Variants in USP24 observed in about 807,000 individuals in gnomAD.
USP24 encodes the protein ubiquitin carboxyl-terminal hydrolase 24.
A neutral mutation model predicts 361.6 loss-of-function variants in USP24; 97 were observed. That is an observed-to-expected ratio of 0.27 (90% CI 0.23 to 0.32). The LOEUF (loss-of-function observed/expected upper bound fraction) is 0.32. USP24 is among the 10% of genes least tolerant of loss of function. The pLI is 1.00. For missense variants in USP24, 2,353 were observed against 3,165.6 expected (o/e 0.74, Z 6.16); for synonymous variants, 1,098 against 1,124.6 (o/e 0.98, Z 0.47).
intron 34 of USP24, 106 bp from the exon 35 acceptor site, chr1:55,124,734 A>C: frequency 8.0e-7 from 1 of 1,246,606 alleles, no homozygotes; most frequent in Non-Finnish European, 1.1e-6. Flanking sequence ...CTTTCCCTCC[A>C]AGGTCATCCA....
Position 55,137,873 on chromosome 1 carries a change from CG to C in USP24, c.2959del (p.Arg987GlyfsTer4). 1 of 1,594,602 alleles carries C rather than the reference CG, an allele frequency of 6.3e-7. No homozygotes were observed. The highest frequency in any genetic ancestry group is 1.1e-5 in the South Asian group (1 of 88,328). ...GCACAACTGCTTGGCTATTTTCCAC[CG>C]GACACTCCCTATGGTTTCATTACTG... ...AHSNETIGSV[R>X]WKIAKQLCSP... is the part of the protein sequence containing the mutation. On this transcript the variant is annotated frameshift_variant, in exon 27 of 68. Transcript: ENST00000294383. LOFTEE classifies it high-confidence loss of function.
rs1647022309 is a variant in USP24, at chr1:55,146,121, G to A, written c.2251-12C>T. On this transcript the variant is annotated splice_polypyrimidine_tract_variant and intron_variant, in intron 19 of 67. Transcript: ENST00000294383. ...CATTCAAAACACATCTGTGGAATAAGACGAATATCACCCTATAACTAAGAT... is the reference window on the plus strand; with the variant it reads ...CATTCAAAACACATCTGTGGAATAAAACGAATATCACCCTATAACTAAGAT... The A allele has an allele frequency of 1.3e-6, 2 of 1,586,408 alleles. No homozygotes were observed. Among genetic ancestry groups the A allele is most frequent in the African/African-American group, 1.3e-5 (1 of 74,302 alleles).
intron 1 of USP24, among the ~76,000 whole-genome samples, chr1:55,214,585 T>C (rs1332841529): frequency 6.6e-6 from 1 of 152,002 alleles, no homozygotes; most frequent in Non-Finnish European, 1.5e-5. Context: ...GCCTCTCCTA[T>C]GGGTCCCTCT....
chr1:55,166,345 TA>T (rs1307784888), intron 6 of USP24, among the ~76,000 whole-genome samples: 6 of 152,088 alleles, frequency 3.9e-5, no homozygotes, highest in African/African-American at 1.4e-4. Context: ...TTGATCCTTC[TA>T]ATGCTCCTGT....
At chr1:55,181,845 G>C (rs1195014877) in intron 1 of USP24, among the ~76,000 whole-genome samples, 1 of 152,168 alleles carries the variant, frequency 6.6e-6, no homozygotes, top group Non-Finnish European at 1.5e-5. Context: ...TATATTTGGA[G>C]ATAGTGCCTT....
intron 36 of USP24, 37 bp downstream of exon 36, chr1:55,123,410 C>A: frequency 6.7e-7 from 1 of 1,495,580 alleles, no homozygotes; most frequent in Non-Finnish European, 8.9e-7. Flanking sequence ...TGGCCTTTCC[C>A]TGAAAGAGAT....
At chr1:55,098,212 C>T (rs1645541310) in intron 46 of USP24, 128 bp from the exon 47 acceptor site, 1 of 1,203,382 alleles carries the variant, frequency 8.3e-7, no homozygotes, top group Non-Finnish European at 1.1e-6. Flanking sequence ...TTTAAAAGTC[C>T]ATTACTAAGT....
At chr1:55,164,545 C>T (rs964051123) in intron 7 of USP24, among the ~76,000 whole-genome samples, 5 of 152,044 alleles carry the variant, frequency 3.3e-5, no homozygotes, top group African/African-American at 9.7e-5. Context: ...CTGTCTCCTA[C>T]AAAAGTCCAC....
intron 63 of USP24, 33 bp from the exon 64 acceptor site, chr1:55,073,939 A>G: frequency 6.5e-7 from 1 of 1,534,208 alleles, no homozygotes; most frequent in South Asian, 1.2e-5. Context: ...TTTAACAATA[A>G]AAGACTCAAC....
intron 38 of USP24, among the ~76,000 whole-genome samples, chr1:55,120,343 G>A (rs1056770280): frequency 6.6e-6 from 1 of 152,096 alleles, no homozygotes; most frequent in Admixed American, 6.6e-5. Flanking sequence ...CACCAATCAG[G>A]TGAGCTCCTT....
chr1:55,138,923 T>C lies in USP24; in HGVS notation c.2817+21A>G, dbSNP rs182209496. On this transcript the variant is annotated intron_variant, in intron 25 of 67. Coordinates refer to ENST00000294383, the MANE Select transcript of USP24 (RefSeq NM_015306.3). ...AGTCCAGCCTAAGCAACATACATCT[T>C]AAAAAAAGGAAGTGGCTTACCTCTA... is the stretch of plus-strand genomic sequence containing the variant. The C allele has an allele frequency of 7.0e-4, 1,124 of 1,607,870 alleles. 6 individuals are homozygous for C. The highest frequency in any genetic ancestry group is 8.4e-4 in the Non-Finnish European group (990 of 1,177,362).
chr1:55,163,738 T>C (rs1013273477), intron 7 of USP24, among the ~76,000 whole-genome samples: 1 of 152,064 alleles, frequency 6.6e-6, no homozygotes, highest in Non-Finnish European at 1.5e-5. Flanking sequence ...CAAGCTTGAA[T>C]TGCATGGGTT....
intron 48 of USP24, 129 bp downstream of exon 48, chr1:55,097,469 G>T (rs1026969947): frequency 1.5e-6 from 2 of 1,347,810 alleles, no homozygotes; most frequent in African/African-American, 3.0e-5. Flanking sequence ...CTAAGATAAG[G>T]GGCTCTTCAT....
intron 38 of USP24, among the ~76,000 whole-genome samples, 160 bp from the exon 39 acceptor site, chr1:55,110,406 T>G (rs961184046): frequency 6.6e-6 from 1 of 152,214 alleles, no homozygotes; most frequent in African/African-American, 2.4e-5. Flanking sequence ...GCAAGAAGCA[T>G]ACTGATTTTA....
intron 1 of USP24, among the ~76,000 whole-genome samples, chr1:55,199,447 C>G (rs905391347): frequency 6.6e-6 from 1 of 151,974 alleles, no homozygotes; most frequent in Non-Finnish European, 1.5e-5. Flanking sequence ...ACAATATTAA[C>G]GTATTAATGT....
chr1:55,208,734 G>C (rs932115516), intron 1 of USP24, among the ~76,000 whole-genome samples: 3 of 147,478 alleles, frequency 2.0e-5, no homozygotes, highest in African/African-American at 2.5e-5. Context: ...TCAGGAGTTC[G>C]AGACCAGCCT....
At chr1:55,075,921 A>G (rs533167380) in intron 62 of USP24, among the ~76,000 whole-genome samples, 2 of 152,320 alleles carry the variant, frequency 1.3e-5, no homozygotes, top group South Asian at 4.1e-4. Context: ...GTGAGCTACG[A>G]CTGTGGCTCC....
chr1:55,171,718 C>A, intron 4 of USP24, 40 bp from the exon 5 acceptor site: 1 of 1,569,582 alleles, frequency 6.4e-7, no homozygotes, highest in Non-Finnish European at 8.7e-7. Flanking sequence ...TTATCTATTT[C>A]TATAGCAACA....
intron 59 of USP24, among the ~76,000 whole-genome samples, 200 bp from the exon 60 acceptor site, chr1:55,079,859 T>C (rs2100422246): frequency 6.7e-6 from 1 of 150,184 alleles, no homozygotes; most frequent in South Asian, 2.1e-4. Flanking sequence ...AGAGTACTCG[T>C]GCACACTGAG....
Sources: gnomAD v4.1 joint callset for allele counts (sites outside exome capture counted in the v4.1 genomes callset) on GRCh38, gnomAD v4.1.1 for gene constraint, MANE v1.5 for transcripts, NCBI Gene and HGNC (gene_info 2026-07-23, HGNC 2026-07-21) for gene names.